Variants in PXDNL observed in about 807,000 individuals in gnomAD.
The protein encoded by PXDNL is peroxidasin like, also known as probable oxidoreductase PXDNL.
Under a neutral mutation model 150.8 loss-of-function variants are expected in PXDNL, and 145 were observed. The observed-to-expected ratio is 0.96, with a 90% CI of 0.84 to 1.10. The LOEUF is 1.10. PXDNL is among the 50% of genes least tolerant of loss of function. The pLI, the probability that PXDNL is intolerant of heterozygous loss-of-function variation, is 0.00. For missense variants in PXDNL, 2,087 were observed against 1,873.9 expected, an observed-to-expected ratio of 1.11 and a Z score of -2.10; for synonymous variants, 757 against 725.7, an observed-to-expected ratio of 1.04 and a Z score of -0.69.
chr8:51,431,117 A>T (rs1809236503), intron 12 of PXDNL, among the ~76,000 whole-genome samples: 1 of 152,122 alleles, frequency 6.6e-6, no homozygotes, highest in African/African-American at 2.4e-5. Flanking sequence ...ATCCTCATCT[A>T]AACTGAAAAA....
At chr8:51,381,519 T>C (rs1019246028) in intron 17 of PXDNL, among the ~76,000 whole-genome samples, 1 of 152,204 alleles carries the variant, frequency 6.6e-6, no homozygotes, top group Non-Finnish European at 1.5e-5. Context: ...TGCCCCCCAG[T>C]ATCTGCTAAT....
chr8:51,543,710 C>CAAAAA (rs572642373), intron 4 of PXDNL, among the ~76,000 whole-genome samples: 279 of 59,308 alleles, frequency 4.7e-3, no homozygotes, highest in East Asian at 6.3e-3. Context: ...GACTCCATAT[C>CAAAAA]AAAAAAAAAA....
intron 1 of PXDNL, among the ~76,000 whole-genome samples, chr8:51,727,090 T>C (rs964691899): frequency 2.0e-5 from 3 of 152,196 alleles, no homozygotes; most frequent in African/African-American, 4.8e-5. Flanking sequence ...ACCAATATAA[T>C]ACAAATTGGA....
intron 21 of PXDNL, among the ~76,000 whole-genome samples, chr8:51,336,801 G>A (rs1805841608): frequency 1.3e-5 from 2 of 152,300 alleles, no homozygotes; most frequent in South Asian, 4.2e-4. Context: ...ATGAGGCACT[G>A]GGAACTGCTG....
Position 51,409,383 on chromosome 8 carries a change from G to C in PXDNL, c.2241C>G (p.Thr747=), listed in dbSNP as rs1347512357. The change falls in exon 17 of 23, where the codon ACC becomes ACG. Residue 747 remains threonine (T), a synonymous_variant. Coordinates refer to ENST00000356297, the MANE Select transcript of PXDNL (RefSeq NM_144651.5). ...LQQPTWGAAL[T]AFARLLQPAY... is the part of the protein sequence containing the mutation. ...CTGGCTGCAGCAGGCGCGCGAAGGC[G>C]GTCAGCGCCGCGCCCCACGTGGGCT... 1.3e-6 allele frequency: 2 copies of C among 1,592,944 alleles called. No individual in the cohort carries two copies. Among genetic ancestry groups the C allele is most frequent in the Non-Finnish European group, 1.7e-6 (2 of 1,172,162 alleles).
chr8:51,696,975 A>G (rs947922349), intron 1 of PXDNL, among the ~76,000 whole-genome samples: 6 of 152,212 alleles, frequency 3.9e-5, no homozygotes, highest in African/African-American at 1.4e-4. Flanking sequence ...CAGGAAAGTT[A>G]TAGGTGAAGA....
intron 14 of PXDNL, among the ~76,000 whole-genome samples, chr8:51,416,270 AT>A (rs1166884693): frequency 3.9e-5 from 6 of 152,244 alleles, no homozygotes; most frequent in Admixed American, 3.9e-4. Context: ...ACATAGTGCT[AT>A]TGAGATGCCA....
intron 1 of PXDNL, among the ~76,000 whole-genome samples, chr8:51,716,773 T>C (rs536057591): frequency 1.7e-4 from 26 of 152,306 alleles, no homozygotes; most frequent in Non-Finnish European, 3.1e-4. Flanking sequence ...GGAAAACGAT[T>C]GCACCCCTAG....
At chr8:51,471,527 A>T (rs1432915638) in intron 8 of PXDNL, among the ~76,000 whole-genome samples, 4 of 151,440 alleles carry the variant, frequency 2.6e-5, no homozygotes, top group African/African-American at 4.8e-5. Flanking sequence ...ACGAACTATC[A>T]GTTTAAATCT....
intron 17 of PXDNL, among the ~76,000 whole-genome samples, chr8:51,403,115 A>AG (rs1808317338): frequency 6.6e-6 from 1 of 151,826 alleles, no homozygotes; most frequent in Non-Finnish European, 1.5e-5. Context: ...AAAAAGAAAA[A>AG]GAAAAAAAAA....
Position 51,463,272 on chromosome 8 carries a change from A to C in PXDNL, c.813-5605T>G, listed in dbSNP as rs561240344. Among the ~76,000 whole-genome samples the C allele has an allele frequency of 2.0e-5, 3 of 152,320 alleles. No individual in the cohort carries two copies. In the East Asian group the frequency reaches 5.8e-4, roughly 29 times the overall value. On this transcript the variant is annotated intron_variant, in intron 8 of 22. Transcript: ENST00000356297. ...CTAAACAAGAAGATCAAAACATCAC[A>C]TATCAATATTAACCTTGAATGTAAA...
At chr8:51,379,834 A>T (rs1024934900) in intron 17 of PXDNL, among the ~76,000 whole-genome samples, 5 of 152,148 alleles carry the variant, frequency 3.3e-5, no homozygotes, top group Admixed American at 2.0e-4. Flanking sequence ...TTCATATATG[A>T]TATGAGATCA....
intron 10 of PXDNL, among the ~76,000 whole-genome samples, chr8:51,453,113 T>G (rs1204239249): frequency 1.3e-5 from 2 of 152,274 alleles, no homozygotes; most frequent in African/African-American, 4.8e-5. Context: ...CAGTCTGGCC[T>G]CGTAGGAGCC....
Position 51,449,080 on chromosome 8 carries a change from C to T in PXDNL, c.1288G>A (p.Val430Met), listed in dbSNP as rs1310413627. 1 of 1,552,576 alleles carries T rather than the reference C, an allele frequency of 6.4e-7. No individual in the cohort carries two copies. Among genetic ancestry groups the T allele is most frequent in the Admixed American group, 2.0e-5 (1 of 51,096 alleles). ...QFTVTPKDQV[V>M]LEEHAVEWLC... ...CACTCTACAGCATGTTCTTCCAGCA[C>T]CACTTGATCCTTGGGGGTTACTGTA... The change falls in exon 11 of 23, where the codon GTG (valine) becomes ATG (methionine). Residue 430 changes from valine to methionine, a missense_variant. Physicochemically the swap from Val to Met is conservative, Grantham distance 21 (BLOSUM62 1). Coordinates refer to ENST00000356297, the MANE Select transcript of PXDNL (RefSeq NM_144651.5).
chr8:51,682,392 C>T (rs1166355430), intron 1 of PXDNL, among the ~76,000 whole-genome samples: 2 of 152,150 alleles, frequency 1.3e-5, no homozygotes, highest in Non-Finnish European at 2.9e-5. Context: ...ATGTCTTTTG[C>T]CTCATCTCCT....
At chr8:51,498,676 GA>G (rs1811111699) in intron 5 of PXDNL, among the ~76,000 whole-genome samples, 1 of 152,028 alleles carries the variant, frequency 6.6e-6, no homozygotes, top group Admixed American at 6.5e-5. Context: ...TACCACCCAG[GA>G]AAAACCAAGA....
chr8:51,600,170 A>G (rs1813667386), intron 2 of PXDNL, among the ~76,000 whole-genome samples: 1 of 144,914 alleles, frequency 6.9e-6, no homozygotes, highest in South Asian at 2.3e-4. Context: ...TTTAGATAAT[A>G]AATTATACCT....
chr8:51,423,109 T>C (rs1199510756), intron 14 of PXDNL, among the ~76,000 whole-genome samples: 3 of 152,242 alleles, frequency 2.0e-5, no homozygotes, highest in Non-Finnish European at 4.4e-5. Context: ...TGGCCAATTA[T>C]AAATGCCTGG....
intron 4 of PXDNL, among the ~76,000 whole-genome samples, chr8:51,525,199 C>T (rs1481331310): frequency 3.9e-5 from 6 of 152,078 alleles, no homozygotes; most frequent in African/African-American, 1.4e-4. Context: ...TCTGCAAAGC[C>T]TTATTTACTT....
Sources: gnomAD v4.1 joint callset for allele counts (sites outside exome capture counted in the v4.1 genomes callset) on GRCh38, gnomAD v4.1.1 for gene constraint, MANE v1.5 for transcripts, NCBI Gene and HGNC (gene_info 2026-07-23, HGNC 2026-07-21) for gene names.